ARMC8: variants seen among roughly 807,000 people sequenced by gnomAD.
ARMC8 encodes armadillo repeat containing 8, also known as armadillo repeat-containing protein 8.
In ARMC8, 20 loss-of-function variants were observed where a neutral mutation model predicts 99.3. The ratio of observed to expected loss-of-function variants is 0.20; its 90% CI spans 0.14 to 0.29. The LOEUF is 0.29. Among genes scored for constraint, ARMC8 ranks in the 10% least tolerant of loss-of-function variants. The pLI is 1.00. For missense variants in ARMC8, 569 were observed against 809.5 expected (o/e 0.70, Z 3.60); for synonymous variants, 263 against 278.3 (o/e 0.95, Z 0.55).
intron 2 of ARMC8, among the ~76,000 whole-genome samples, chr3:138,220,557 G>A (rs1464033368): frequency 6.6e-6 from 1 of 152,126 alleles, no homozygotes; most frequent in East Asian, 1.9e-4. Context: ...ACTAGTTGTT[G>A]CAGTATTTTT....
Position 138,231,961 on chromosome 3 carries a change from C to CTTTTTTTTTTTT in ARMC8, c.528+2967_528+2978dup, listed in dbSNP as rs61298993. On this transcript the variant is annotated intron_variant, in intron 6 of 21. Coordinates refer to ENST00000469044, the MANE Select transcript of ARMC8 (RefSeq NM_001363941.2). ...GCCACTAATTCTTTCCTTGCAATTG[C>CTTTTTTTTTTTT]TTTTTTTTTTTTTTTTTTTTTTTTT... Among the ~76,000 whole-genome samples, 10 of 58,636 alleles carry CTTTTTTTTTTTT rather than the reference C, an allele frequency of 1.7e-4. 1 individual carries two copies. Among genetic ancestry groups the CTTTTTTTTTTTT allele is most frequent in the African/African-American group, 7.4e-4 (9 of 12,176 alleles). The allele number at this position is 58,636 out of a possible 152,430, so 38.5% of individuals were successfully genotyped here. A position where few individuals can be genotyped will look rare whatever the true frequency, so the allele number is the denominator to read the frequency against.
chr3:138,219,334 A>G (rs1280635422), intron 2 of ARMC8, among the ~76,000 whole-genome samples: 2 of 152,198 alleles, frequency 1.3e-5, no homozygotes, highest in African/African-American at 4.8e-5. Flanking sequence ...AACTGCTTTG[A>G]TATTTCCAGG....
chr3:138,262,882 A>T (rs1313703605), intron 12 of ARMC8, among the ~76,000 whole-genome samples: 1 of 152,238 alleles, frequency 6.6e-6, no homozygotes, highest in East Asian at 1.9e-4. Context: ...CTCTGGAGTC[A>T]CATGCCTGGG....
intron 2 of ARMC8, among the ~76,000 whole-genome samples, chr3:138,218,253 C>T (rs368532435): frequency 4.6e-5 from 7 of 152,116 alleles, no homozygotes; most frequent in African/African-American, 1.7e-4. Flanking sequence ...ACTTAGTTGT[C>T]CCTCTTAACT....
intron 13 of ARMC8, 49 bp from the exon 14 acceptor site, chr3:138,264,082 A>G (rs759347039): frequency 3.6e-5 from 55 of 1,538,950 alleles, no homozygotes; most frequent in Non-Finnish European, 4.9e-5. Flanking sequence ...TTGTTTGAAA[A>G]GTAAAAGTTT....
intron 2 of ARMC8, among the ~76,000 whole-genome samples, chr3:138,216,041 G>C (rs2045015669): frequency 6.8e-6 from 1 of 147,804 alleles, no homozygotes; most frequent in African/African-American, 2.5e-5. Flanking sequence ...ACCATGCCCA[G>C]CTAATTTTTT....
intron 1 of ARMC8, among the ~76,000 whole-genome samples, chr3:138,198,970 T>C (rs1435806971): frequency 6.6e-6 from 1 of 152,260 alleles, no homozygotes; most frequent in African/African-American, 2.4e-5. Context: ...AAATTATATA[T>C]TTTAGTGTTT....
intron 19 of ARMC8, among the ~76,000 whole-genome samples, chr3:138,288,368 G>A (rs939157198): frequency 1.3e-5 from 2 of 152,204 alleles, no homozygotes; most frequent in Non-Finnish European, 2.9e-5. Context: ...AGCCTAAGTC[G>A]AAAGCATAGA....
intron 2 of ARMC8, among the ~76,000 whole-genome samples, chr3:138,220,606 A>G (rs1297067464): frequency 6.6e-6 from 1 of 152,192 alleles, no homozygotes; most frequent in African/African-American, 2.4e-5. Flanking sequence ...ACAAGGGTTA[A>G]TCGTTACCAG....
At chr3:138,245,553 A>G (rs2046842965) in intron 12 of ARMC8, 5 of 1,096,138 alleles carry the variant, frequency 4.6e-6, no homozygotes, top group South Asian at 7.4e-5. Flanking sequence ...TTATGGAAAT[A>G]CCTTCCAATG....
At chr3:138,294,520 T>C (rs2051282747) in intron 21 of ARMC8, among the ~76,000 whole-genome samples, 1 of 152,238 alleles carries the variant, frequency 6.6e-6, no homozygotes, top group Admixed American at 6.5e-5. Context: ...CACAATATCA[T>C]CTTTAGAGTC....
chr3:138,290,396 G>T, intron 20 of ARMC8, 150 bp from the exon 21 acceptor site: 1 of 612,372 alleles, frequency 1.6e-6, no homozygotes, highest in Non-Finnish European at 2.9e-6. Flanking sequence ...AGCATGAGCG[G>T]GTCCAACTAC....
chr3:138,202,904 C>T (rs1437007062), intron 1 of ARMC8, among the ~76,000 whole-genome samples: 1 of 152,132 alleles, frequency 6.6e-6, no homozygotes, highest in Non-Finnish European at 1.5e-5. Context: ...ACTTATTTTT[C>T]CCATTTTTTG....
In ARMC8 at chr3:138,209,904, T is replaced by G. The variant is rs2044599291; in HGVS notation, c.122+11T>G. ...TCTACAAGGTGTCATGTAAGTAGTA[T>G]GTATTTAAGAGTCTATCAAAAAGTT... On this transcript the variant is annotated intron_variant, in intron 2 of 21. Coordinates refer to ENST00000469044, the MANE Select transcript of ARMC8 (RefSeq NM_001363941.2). 6.2e-7 allele frequency: 1 copy of G among 1,604,552 alleles called. No homozygotes were observed. The highest frequency in any genetic ancestry group is 8.5e-7 in the Non-Finnish European group (1 of 1,172,192).
chr3:138,211,522 A>G (rs536569186), intron 2 of ARMC8, among the ~76,000 whole-genome samples: 3 of 152,386 alleles, frequency 2.0e-5, no homozygotes, highest in African/African-American at 7.2e-5. Context: ...TAGAATTATG[A>G]CAAAGCAGCT....
chr3:138,187,782 G>A (rs1014607970), intron 1 of ARMC8, 183 bp downstream of exon 1: 4 of 642,302 alleles, frequency 6.2e-6, no homozygotes, highest in African/African-American at 1.9e-5. Flanking sequence ...GACCGCGGCC[G>A]AGCCAAAGAC....
intron 12 of ARMC8, chr3:138,246,397 A>G: frequency 1.0e-6 from 1 of 985,314 alleles, no homozygotes; most frequent in Non-Finnish European, 1.2e-6. Flanking sequence ...AAGCAAACAT[A>G]CTAGTGATAT....
At chr3:138,283,776 T>A (rs2108355969) in intron 18 of ARMC8, among the ~76,000 whole-genome samples, 1 of 152,382 alleles carries the variant, frequency 6.6e-6, no homozygotes, top group Middle Eastern at 3.4e-3. Context: ...CAAGGTGTAC[T>A]GTCCTTCCAG....
chr3:138,245,214 C>T, intron 12 of ARMC8, 31 bp downstream of exon 12: 2 of 1,614,196 alleles, frequency 1.2e-6, no homozygotes, highest in South Asian at 1.1e-5. Flanking sequence ...TCCCCCAGTC[C>T]TGACAGCCAG....
Sources: gnomAD v4.1 joint callset for allele counts (sites outside exome capture counted in the v4.1 genomes callset) on GRCh38, gnomAD v4.1.1 for gene constraint, MANE v1.5 for transcripts, NCBI Gene and HGNC (gene_info 2026-07-23, HGNC 2026-07-21) for gene names.